Variants in TNKS observed in about 807,000 individuals in gnomAD.
TNKS encodes the protein poly [ADP-ribose] polymerase tankyrase-1.
Under a neutral mutation model 135.8 loss-of-function variants are expected in TNKS, and 72 were observed. The ratio of observed to expected loss-of-function variants is 0.53; its 90% CI spans 0.44 to 0.64. The LOEUF is 0.64. Among genes scored for constraint, TNKS ranks in the 30% least tolerant of loss-of-function variants. The pLI, the probability that TNKS is intolerant of heterozygous loss-of-function variation, is 0.00. For missense variants in TNKS, 1,769 were observed against 1,674.0 expected (o/e 1.06, Z -0.99); for synonymous variants, 849 against 649.3 (o/e 1.31, Z -4.68).
At chr8:9,655,834 G>A (rs577481647) in intron 3 of TNKS, among the ~76,000 whole-genome samples, 4 of 152,086 alleles carry the variant, frequency 2.6e-5, no homozygotes, top group Non-Finnish European at 4.4e-5. Flanking sequence ...AAATCAAAGC[G>A]CCTCTCGTCC....
In TNKS at chr8:9,699,516, T is replaced by G. The variant is rs547461178; in HGVS notation, c.1108-5147T>G. ...TTTGCAGTCTGCCATTTTCTCAAAT[T>G]TATTGCATGCATTTTATTTATTTCT... is the stretch of plus-strand genomic sequence containing the variant. On this transcript the variant is annotated intron_variant, in intron 5 of 26. Coordinates refer to ENST00000310430, the MANE Select transcript of TNKS (RefSeq NM_003747.3). Among the ~76,000 whole-genome samples, 3 of 152,354 alleles carry G rather than the reference T, an allele frequency of 2.0e-5. No individual in the cohort carries two copies. The East Asian group carries it at 5.8e-4, about 29-fold the overall frequency.
intron 2 of TNKS, among the ~76,000 whole-genome samples, chr8:9,581,927 T>C (rs1010896322): frequency 1.3e-5 from 2 of 152,316 alleles, no homozygotes; most frequent in African/African-American, 2.4e-5. Flanking sequence ...TTTTAATGAA[T>C]GGATCCCTGC....
intron 3 of TNKS, among the ~76,000 whole-genome samples, chr8:9,649,047 T>C (rs940731198): frequency 1.3e-5 from 2 of 152,134 alleles, no homozygotes; most frequent in African/African-American, 2.4e-5. Flanking sequence ...CTATTTGAAA[T>C]TGCTGAATGA....
chr8:9,721,271 ACT>A (rs1397256268), intron 12 of TNKS, among the ~76,000 whole-genome samples: 6 of 131,538 alleles, frequency 4.6e-5, no homozygotes, highest in Non-Finnish European at 6.7e-5. Flanking sequence ...ACAGAGTGAA[ACT>A]CTGTCTCAAA....
At chr8:9,698,492 G>A (rs1255304677) in intron 5 of TNKS, among the ~76,000 whole-genome samples, 2 of 151,444 alleles carry the variant, frequency 1.3e-5, no homozygotes, top group African/African-American at 4.9e-5. Flanking sequence ...ACTTTGTACA[G>A]TTATCTTTAA....
chr8:9,664,028 C>T (rs191898339), intron 3 of TNKS, among the ~76,000 whole-genome samples: 12 of 152,134 alleles, frequency 7.9e-5, no homozygotes, highest in Non-Finnish European at 1.5e-4. Context: ...GGTACCAGCC[C>T]CTATCTGGAG....
Position 9,766,308 on chromosome 8 carries a change from T to G in TNKS, c.3623T>G (p.Phe1208Cys), listed in dbSNP as rs1205094867. 6.2e-7 allele frequency: 1 copy of G among 1,613,804 alleles called. No homozygotes were observed. The highest frequency in any genetic ancestry group is 8.5e-7 in the Non-Finnish European group (1 of 1,179,962). ...CGACATGCATACATAGGAGGAATGT[T>G]TGGGGCCGGGATTTATTTTGCTGAA... Reference protein sequence around the residue: ...DERHAYIGGMFGAGIYFAENS... With the variant: ...DERHAYIGGMCGAGIYFAENS... The change falls in exon 25 of 27, where the codon TTT (phenylalanine) becomes TGT (cysteine). Residue 1208 changes from phenylalanine (F) to cysteine (C), a missense_variant. Phe to Cys is a radical substitution (Grantham distance 205). Coordinates refer to ENST00000310430, the MANE Select transcript of TNKS (RefSeq NM_003747.3).
intron 13 of TNKS, among the ~76,000 whole-genome samples, chr8:9,727,041 A>G (rs1280339150): frequency 6.6e-6 from 1 of 152,224 alleles, no homozygotes; most frequent in Non-Finnish European, 1.5e-5. Flanking sequence ...TATATTAATT[A>G]CAGTGTTACT....
intron 2 of TNKS, among the ~76,000 whole-genome samples, chr8:9,598,175 A>G (rs1798865080): frequency 1.3e-5 from 2 of 152,102 alleles, no homozygotes; most frequent in African/African-American, 4.8e-5. Flanking sequence ...CCTCCTGAGT[A>G]GCTGGGACTA....
At chr8:9,575,089 C>A (rs954046559) in intron 1 of TNKS, 1 of 984,368 alleles carries the variant, frequency 1.0e-6, no homozygotes, top group South Asian at 4.7e-5. Flanking sequence ...TCTCCATTAT[C>A]TTTTTATTTT....
chr8:9,642,207 C>A (rs753678372), intron 3 of TNKS, among the ~76,000 whole-genome samples: 2 of 146,292 alleles, frequency 1.4e-5, no homozygotes, highest in Non-Finnish European at 3.0e-5. Context: ...ATACAAATGG[C>A]TGATTCTATC....
intron 1 of TNKS, among the ~76,000 whole-genome samples, chr8:9,562,355 A>C (rs191317145): frequency 1.3e-5 from 2 of 152,194 alleles, no homozygotes; most frequent in Admixed American, 1.3e-4. Flanking sequence ...TATTTATTTT[A>C]TGGTTATTGC....
At chr8:9,740,736 C>G (rs922961501) in intron 17 of TNKS, among the ~76,000 whole-genome samples, 9 of 151,548 alleles carry the variant, frequency 5.9e-5, no homozygotes, top group East Asian at 1.9e-4. Context: ...TTCTCAATTT[C>G]TCTGAGCAAC....
chr8:9,625,611 T>G (rs1800027060), intron 3 of TNKS, among the ~76,000 whole-genome samples: 1 of 152,176 alleles, frequency 6.6e-6, no homozygotes. Context: ...AAATTTTGTA[T>G]GTTTTTAAAT....
At chr8:9,624,750 G>T (rs1269473428) in intron 3 of TNKS, among the ~76,000 whole-genome samples, 1 of 152,148 alleles carries the variant, frequency 6.6e-6, no homozygotes, top group Non-Finnish European at 1.5e-5. Context: ...TCGGCCCTAG[G>T]TGTCCTCAGG....
intron 1 of TNKS, among the ~76,000 whole-genome samples, chr8:9,578,260 C>A (rs1033585114): frequency 2.0e-5 from 3 of 152,136 alleles, no homozygotes; most frequent in African/African-American, 7.2e-5. Context: ...CAGGACAGCA[C>A]TTATGGCCCA....
chr8:9,735,349 T>A, intron 16 of TNKS, 28 bp from the exon 17 acceptor site: 1 of 1,595,362 alleles, frequency 6.3e-7, no homozygotes, highest in South Asian at 1.1e-5. Flanking sequence ...AGCTGACACG[T>A]TTCCTGTATT....
chr8:9,759,262 C>G (rs1474787062), intron 20 of TNKS, among the ~76,000 whole-genome samples: 1 of 152,190 alleles, frequency 6.6e-6, no homozygotes, highest in Non-Finnish European at 1.5e-5. Context: ...GGTGAGCAGT[C>G]CAAAGCGTGA....
At chr8:9,736,226 A>C (rs1805696586) in intron 17 of TNKS, among the ~76,000 whole-genome samples, 1 of 151,664 alleles carries the variant, frequency 6.6e-6, no homozygotes, top group Non-Finnish European at 1.5e-5. Context: ...GCACCTTAAA[A>C]ATATTCGAGT....
Sources: allele counts gnomAD v4.1 joint callset (sites outside exome capture counted in the v4.1 genomes callset), GRCh38; gene constraint gnomAD v4.1.1; transcripts MANE v1.5; gene names NCBI Gene and HGNC (gene_info 2026-07-23, HGNC 2026-07-21).